The following SNX7 variants were observed in gnomAD, a reference collection of about 807,000 sequenced individuals.
The protein encoded by SNX7 is sorting nexin-7.
A neutral mutation model predicts 48.4 loss-of-function variants in SNX7; 35 were observed. The ratio of observed to expected loss-of-function variants is 0.72; its 90% confidence interval spans 0.55 to 0.96. The LOEUF (loss-of-function observed/expected upper bound fraction) is 0.96. SNX7 is among the 40% of genes least tolerant of loss of function. SNX7 has a pLI of 0.00. For missense variants in SNX7, 553 were observed against 548.9 expected (o/e 1.01, Z -0.07); for synonymous variants, 190 against 190.2 (o/e 1.00, Z 0.01).
chr1:98,661,862 A>G lies in SNX7; in HGVS notation c.131A>G (p.Glu44Gly). The change falls in exon 1 of 9, where the codon GAG becomes GGG. Residue 44 changes from glutamate (E) to glycine (G), a missense_variant. By Grantham distance (98) the Glu-to-Gly change is moderately conservative (BLOSUM62 -2). Transcript: ENST00000306121. ...GGCTCTTCCGCCCTGCTGCAGGCGG[A>G]GGTGCTGGATCTGGACGAGGACGAG... Reference protein sequence around the residue: ...SSGSSALLQAEVLDLDEDEDD... With the variant: ...SSGSSALLQAGVLDLDEDEDD... The G allele has an allele frequency of 8.0e-7, 1 of 1,246,364 alleles. No individual in the cohort carries two copies. Among genetic ancestry groups the G allele is most frequent in the East Asian group, 3.2e-5 (1 of 31,592 alleles). 77.2% of individuals were successfully genotyped at this position (1,246,364 alleles called of 1,614,324 possible).
At chr1:98,697,525 AG>A (rs1651523300) in intron 5 of SNX7, among the ~76,000 whole-genome samples, 1 of 152,150 alleles carries the variant, frequency 6.6e-6, no homozygotes, top group African/African-American at 2.4e-5. Context: ...AAAATTGTAA[AG>A]ACAGTCACAT....
At position 98,689,942 on chromosome 1, in the gene SNX7, C is replaced by T. The variant is rs536755289; in HGVS notation, c.364-1133C>T. ...GATTTCTGCATTTCATTCGCTCCCA[C>T]TTTTTCCCATTATAAAGGGAATGTT... On this transcript the variant is annotated intron_variant, in intron 2 of 8. Transcript: ENST00000306121. 9.9e-5 allele frequency among the ~76,000 whole-genome samples: 15 copies of T among 152,228 alleles called. No homozygotes were observed. In the East Asian group the frequency reaches 1.9e-3, roughly 20 times the overall value.
At chr1:98,708,830 C>A (rs1652150262) in intron 7 of SNX7, among the ~76,000 whole-genome samples, 1 of 152,082 alleles carries the variant, frequency 6.6e-6, no homozygotes, top group South Asian at 2.1e-4. Context: ...GATTAAATTG[C>A]AAAAATCACC....
At chr1:98,736,518 G>A (rs951492600) in intron 7 of SNX7, among the ~76,000 whole-genome samples, 1 of 152,090 alleles carries the variant, frequency 6.6e-6, no homozygotes, top group East Asian at 1.9e-4. Context: ...CATTAGACAT[G>A]TTCTTTAAGA....
intron 8 of SNX7, among the ~76,000 whole-genome samples, chr1:98,755,295 C>T (rs557976581): frequency 4.5e-4 from 69 of 152,132 alleles, no homozygotes; most frequent in African/African-American, 1.7e-3. Flanking sequence ...CTGTAGATCT[C>T]AGTTAGGCAA....
intron 7 of SNX7, among the ~76,000 whole-genome samples, chr1:98,704,032 T>C (rs1388890223): frequency 6.6e-6 from 1 of 151,694 alleles, no homozygotes; most frequent in Non-Finnish European, 1.5e-5. Flanking sequence ...AGGAAAAAAA[T>C]AGCCTGGGTC....
intron 7 of SNX7, among the ~76,000 whole-genome samples, chr1:98,726,112 A>C (rs1653150982): frequency 6.6e-6 from 1 of 152,138 alleles, no homozygotes; most frequent in South Asian, 2.1e-4. Flanking sequence ...AGGGTGCCGC[A>C]TTTTACAGAG....
At chr1:98,665,738 G>A (rs1466805211) in intron 1 of SNX7, among the ~76,000 whole-genome samples, 6 of 151,908 alleles carry the variant, frequency 3.9e-5, no homozygotes, top group African/African-American at 7.3e-5. Context: ...ACAGGCATGC[G>A]CCACCATGCC....
chr1:98,705,049 G>A (rs1466296070), intron 7 of SNX7, among the ~76,000 whole-genome samples: 1 of 152,032 alleles, frequency 6.6e-6, no homozygotes, highest in African/African-American at 2.4e-5. Context: ...AACAATAATG[G>A]CATTACAGTT....
intron 1 of SNX7, among the ~76,000 whole-genome samples, chr1:98,681,820 C>T (rs975257602): frequency 1.3e-5 from 2 of 152,128 alleles, no homozygotes; most frequent in Non-Finnish European, 2.9e-5. Flanking sequence ...TGCTAATTTC[C>T]CGATTCAAAT....
At chr1:98,733,651 A>G (rs9434444) in intron 7 of SNX7, among the ~76,000 whole-genome samples, 85,892 of 151,762 alleles carry the variant, frequency 0.57, 25,093 homozygotes, top group Non-Finnish European at 0.64. Flanking sequence ...CCTTTTCCTG[A>G]TTACTTATTT....
At chr1:98,751,329 AG>A (rs1162559127) in intron 8 of SNX7, among the ~76,000 whole-genome samples, 2 of 152,092 alleles carry the variant, frequency 1.3e-5, no homozygotes, top group East Asian at 3.9e-4. Flanking sequence ...AAGTAGCAAG[AG>A]ATTTATTTTC....
At position 98,698,691 on chromosome 1, in the gene SNX7, T is replaced by A. The variant is rs1477435741; in HGVS notation, c.839-15T>A. On this transcript the variant is annotated splice_polypyrimidine_tract_variant and intron_variant, in intron 5 of 8. Coordinates refer to ENST00000306121, the MANE Select transcript of SNX7 (RefSeq NM_015976.5). ...TGTTTATTGAAGAGCTTATTAAGTCTTTTTTTTTTTTTAGAATATTTTGAT... is the reference window on the plus strand; with the variant it reads ...TGTTTATTGAAGAGCTTATTAAGTCATTTTTTTTTTTTAGAATATTTTGAT... The A allele has an allele frequency of 4.0e-6, 1 of 248,868 alleles. No individual in the cohort carries two copies. The highest frequency in any genetic ancestry group is 6.1e-5 in the Admixed American group (1 of 16,448). The allele number at this position is 248,868 out of a possible 1,614,324, so 15.4% of individuals were successfully genotyped here.
chr1:98,662,183 G>A, intron 1 of SNX7: 1 of 317,804 alleles, frequency 3.1e-6, no homozygotes, highest in Non-Finnish European at 5.7e-6. Flanking sequence ...AGTCTGCAAA[G>A]TTGTGATTTG....
chr1:98,685,434 T>A (rs1319584597), intron 2 of SNX7, among the ~76,000 whole-genome samples: 1 of 152,184 alleles, frequency 6.6e-6, no homozygotes, highest in Non-Finnish European at 1.5e-5. Flanking sequence ...GTATTCAGAT[T>A]TCTTTGGAAG....
intron 4 of SNX7, among the ~76,000 whole-genome samples, chr1:98,694,075 T>C (rs1651295719): frequency 6.6e-6 from 1 of 152,172 alleles, no homozygotes; most frequent in African/African-American, 2.4e-5. Context: ...TCGTATCTTA[T>C]TACAAGTTTT....
At chr1:98,755,641 A>C (rs116465522) in intron 8 of SNX7, among the ~76,000 whole-genome samples, 3,359 of 151,986 alleles carry the variant, frequency 0.022, 74 homozygotes, top group Non-Finnish European at 0.029. Flanking sequence ...TTTTAATTAA[A>C]AAAATAAACC....
At chr1:98,753,315 T>A (rs994318852) in intron 8 of SNX7, among the ~76,000 whole-genome samples, 6 of 152,126 alleles carry the variant, frequency 3.9e-5, no homozygotes, top group African/African-American at 1.4e-4. Flanking sequence ...AATTTGTCTG[T>A]CTTACCATGT....
chr1:98,698,444 T>G (rs981257104), intron 5 of SNX7, among the ~76,000 whole-genome samples: 6 of 152,152 alleles, frequency 3.9e-5, no homozygotes, highest in African/African-American at 1.4e-4. Context: ...TCATATAATT[T>G]ATTTTTCAAG....
Sources: gnomAD v4.1 joint callset for allele counts (sites outside exome capture counted in the v4.1 genomes callset) on GRCh38, gnomAD v4.1.1 for gene constraint, MANE v1.5 for transcripts, NCBI Gene and HGNC (gene_info 2026-07-23, HGNC 2026-07-21) for gene names.